Variants in DOCK4 observed in about 807,000 individuals in gnomAD.
DOCK4 encodes dedicator of cytokinesis protein 4.
DOCK4 carries 97 observed loss-of-function variants against 268.1 expected under a neutral mutation model. The observed-to-expected ratio is 0.36, with a 90% CI of 0.31 to 0.43. The LOEUF is 0.43. Ranked by LOEUF, DOCK4 falls within the 20% of genes least tolerant of loss-of-function variation. DOCK4 has a pLI of 1.00. For synonymous variants in DOCK4, 954 were observed against 887.2 expected (o/e 1.08, Z -1.34); for missense variants, 2,145 against 2,455.7 (o/e 0.87, Z 2.67).
At chr7:111,808,667 A>C in intron 30 of DOCK4, 154 bp downstream of exon 30, 2 of 700,284 alleles carry the variant, frequency 2.9e-6, no homozygotes, top group Non-Finnish European at 4.6e-6. Flanking sequence ...AACCTCATTC[A>C]ATGCCAAAGT....
At chr7:111,779,859 C>T (rs1236911400) in intron 35 of DOCK4, among the ~76,000 whole-genome samples, 1 of 152,214 alleles carries the variant, frequency 6.6e-6, no homozygotes, top group African/African-American at 2.4e-5. Context: ...CCAAACAAGA[C>T]ATGTTTAGTG....
At chr7:111,778,031 G>A (rs1408437396) in intron 36 of DOCK4, among the ~76,000 whole-genome samples, 1 of 152,160 alleles carries the variant, frequency 6.6e-6, no homozygotes, top group Non-Finnish European at 1.5e-5. Flanking sequence ...AGTTATGTAT[G>A]TATTTTGTAA....
intron 1 of DOCK4, among the ~76,000 whole-genome samples, chr7:112,025,393 A>G (rs1802694912): frequency 6.6e-6 from 1 of 152,114 alleles, no homozygotes; most frequent in South Asian, 2.1e-4. Context: ...TGGAGTAGCT[A>G]CTCACTGTGC....
At chr7:111,944,291 G>A (rs952071660) in intron 10 of DOCK4, among the ~76,000 whole-genome samples, 5 of 152,008 alleles carry the variant, frequency 3.3e-5, no homozygotes, top group Non-Finnish European at 7.4e-5. Context: ...TTCCCTTTAG[G>A]ACTTCTCAGA....
chr7:111,811,876 T>G lies in DOCK4; in HGVS notation c.3004A>C (p.Lys1002Gln). 6.6e-7 allele frequency: 1 copy of G among 1,503,870 alleles called. No homozygotes were observed. Among genetic ancestry groups the G allele is most frequent in the Non-Finnish European group, 9.0e-7 (1 of 1,105,544 alleles). The allele number at this position is 1,503,870 out of a possible 1,614,324, so 93.2% of individuals were successfully genotyped here. ...KNFLNENFDYKIWDSYFYLAV... is the reference protein window; with the variant it reads ...KNFLNENFDYQIWDSYFYLAV... ...GAGTCATATAAATGAATGCTTACCT[T>G]ATAATCAAAGTTTTCATTTAAGAAG... Residue 1002 changes from lysine (K) to glutamine (Q), a missense_variant and splice_region_variant, in exon 28 of 53, where the codon AAG (lysine) becomes CAG (glutamine). Coordinates refer to ENST00000428084, the MANE Select transcript of DOCK4 (RefSeq NM_001363540.2).
intron 12 of DOCK4, among the ~76,000 whole-genome samples, chr7:111,926,437 A>G (rs1190041607): frequency 1.4e-5 from 2 of 146,176 alleles, no homozygotes; most frequent in Admixed American, 1.3e-4. Context: ...AAAAAGAAAG[A>G]CAGAGAGAGA....
intron 12 of DOCK4, 193 bp downstream of exon 12, chr7:111,935,347 T>C (rs1794645763): frequency 3.1e-6 from 2 of 649,148 alleles, no homozygotes; most frequent in Non-Finnish European, 5.6e-6. Context: ...GAATACATTT[T>C]TTATAGGGAG....
rs1385625295 is a variant in DOCK4 at position 111,976,184 on chromosome 7, ACACACACG to A, written c.701+940_701+947del. 3.2e-3 allele frequency among the ~76,000 whole-genome samples: 299 copies of A among 93,470 alleles called. 45 individuals are homozygous for A. The highest frequency in any genetic ancestry group is 0.017 in the African/African-American group (281 of 17,004). The allele number at this position is 93,470 out of a possible 152,430, so 61.3% of individuals were successfully genotyped here. A position where few individuals can be genotyped will look rare whatever the true frequency, so the allele number is the denominator to read the frequency against. On this transcript the variant is annotated intron_variant, in intron 8 of 52. Coordinates refer to ENST00000428084, the MANE Select transcript of DOCK4 (RefSeq NM_001363540.2). ...AAAATATATATATATATATACACAC[ACACACACG>A]CACACACGCACATATGTGTGTGTGT... is the stretch of plus-strand genomic sequence containing the variant.
At chr7:111,860,429 G>A (rs1307247034) in intron 23 of DOCK4, among the ~76,000 whole-genome samples, 1 of 152,208 alleles carries the variant, frequency 6.6e-6, no homozygotes, top group Non-Finnish European at 1.5e-5. Flanking sequence ...TCAATGACGA[G>A]TTAGGAAGCA....
chr7:112,013,614 G>A (rs1035568791), intron 1 of DOCK4, among the ~76,000 whole-genome samples: 3 of 152,070 alleles, frequency 2.0e-5, no homozygotes, highest in Non-Finnish European at 2.9e-5. Flanking sequence ...TCTTACTCCT[G>A]TCCCCTTAAC....
intron 1 of DOCK4, among the ~76,000 whole-genome samples, chr7:112,146,750 G>C (rs1815541096): frequency 6.6e-6 from 1 of 152,114 alleles, no homozygotes; most frequent in Admixed American, 6.6e-5. Context: ...TACTTTGGCA[G>C]AGGAAGAACA....
chr7:111,856,602 C>T (rs1805034051), intron 23 of DOCK4, among the ~76,000 whole-genome samples: 2 of 152,242 alleles, frequency 1.3e-5, no homozygotes, highest in African/African-American at 4.8e-5. Flanking sequence ...AAGAAAAGAG[C>T]CTGAAAAACT....
intron 1 of DOCK4, among the ~76,000 whole-genome samples, chr7:112,159,811 T>C (rs937440287): frequency 1.3e-5 from 2 of 149,156 alleles, no homozygotes; most frequent in African/African-American, 4.9e-5. Flanking sequence ...TACTTATGTA[T>C]AATAATACAT....
At chr7:112,059,421 C>A (rs57018478) in intron 1 of DOCK4, among the ~76,000 whole-genome samples, 1 of 151,978 alleles carries the variant, frequency 6.6e-6, no homozygotes, top group Admixed American at 6.6e-5. Context: ...GGATTACAGG[C>A]GCGAGCCACC....
At chr7:112,097,242 A>T (rs1037622490) in intron 1 of DOCK4, among the ~76,000 whole-genome samples, 1 of 152,206 alleles carries the variant, frequency 6.6e-6, no homozygotes, top group African/African-American at 2.4e-5. Context: ...GTCTGAACAT[A>T]TGAAAGTTTA....
At position 111,848,477 on chromosome 7, in the gene DOCK4, G is replaced by A. The variant is rs527721238; in HGVS notation, c.2474-1351C>T. 3.3e-5 allele frequency among the ~76,000 whole-genome samples: 5 copies of A among 152,212 alleles called. No homozygotes were observed. The South Asian group carries it at 1.0e-3, about 32-fold the overall frequency. ...GCCATTCCTGTTTATTTCTCTGAAT[G>A]TTCTCTTTTCAGAGCTTCCCACTCT... On this transcript the variant is annotated intron_variant, in intron 23 of 52. Coordinates refer to ENST00000428084, the MANE Select transcript of DOCK4 (RefSeq NM_001363540.2).
At chr7:111,916,513 T>G (rs1402993887) in intron 12 of DOCK4, among the ~76,000 whole-genome samples, 1 of 152,096 alleles carries the variant, frequency 6.6e-6, no homozygotes, top group Non-Finnish European at 1.5e-5. Context: ...TTTAGCAGAA[T>G]ACAGGACACC....
chr7:112,203,414 C>A (rs893390738), intron 1 of DOCK4, among the ~76,000 whole-genome samples: 2 of 152,078 alleles, frequency 1.3e-5, no homozygotes, highest in Non-Finnish European at 2.9e-5. Flanking sequence ...TTTCCATCTC[C>A]GATACATTTA....
intron 45 of DOCK4, 84 bp from the exon 46 acceptor site, chr7:111,741,745 A>C: frequency 6.7e-7 from 1 of 1,498,898 alleles, no homozygotes; most frequent in South Asian, 1.3e-5. Flanking sequence ...TACTAGGCAC[A>C]CATCCTAATT....
Sources: allele counts gnomAD v4.1 joint callset (sites outside exome capture counted in the v4.1 genomes callset), GRCh38; gene constraint gnomAD v4.1.1; transcripts MANE v1.5; gene names NCBI Gene and HGNC (gene_info 2026-07-23, HGNC 2026-07-21).